Variants in NTRK3 observed in about 807,000 individuals in gnomAD.
The protein encoded by NTRK3 is NT-3 growth factor receptor.
In NTRK3, 24 loss-of-function variants were observed where a neutral mutation model predicts 91.7. The ratio of observed to expected loss-of-function variants is 0.26; its 90% CI spans 0.19 to 0.37. NTRK3 has a LOEUF of 0.37. Among genes scored for constraint, NTRK3 ranks in the 10% least tolerant of loss-of-function variants. NTRK3 has a pLI of 1.00. For synonymous variants in NTRK3, 483 were observed against 404.0 expected (o/e 1.20, Z -2.34); for missense variants, 880 against 1,068.9 (o/e 0.82, Z 2.46).
chr15:88,025,414 T>TA (rs1428253110), intron 14 of NTRK3, among the ~76,000 whole-genome samples: 4 of 152,240 alleles, frequency 2.6e-5, no homozygotes, highest in African/African-American at 7.2e-5. Context: ...GTCAAAGCCC[T>TA]AACTCCCAGT....
At chr15:88,133,869 C>T (rs2041623112) in intron 10 of NTRK3, among the ~76,000 whole-genome samples, 2 of 152,208 alleles carry the variant, frequency 1.3e-5, no homozygotes, top group Non-Finnish European at 2.9e-5. Context: ...GCTCCATCAT[C>T]CCTGGGACCT....
intron 13 of NTRK3, among the ~76,000 whole-genome samples, chr15:88,087,555 T>C (rs2048618588): frequency 6.6e-6 from 1 of 152,056 alleles, no homozygotes; most frequent in African/African-American, 2.4e-5. Context: ...GTGAGAAAGC[T>C]CAGCAGATGC....
intron 13 of NTRK3, among the ~76,000 whole-genome samples, chr15:88,051,722 T>C (rs931767882): frequency 9.2e-5 from 14 of 152,146 alleles, no homozygotes; most frequent in African/African-American, 3.4e-4. Flanking sequence ...AAAATAATTC[T>C]AGTAAAGTAA....
chr15:88,095,120 A>G (rs1161134396), intron 13 of NTRK3, among the ~76,000 whole-genome samples: 4 of 152,210 alleles, frequency 2.6e-5, no homozygotes, highest in Non-Finnish European at 5.9e-5. Flanking sequence ...ACATTCAATC[A>G]CTGCAAGAAG....
intron 14 of NTRK3, among the ~76,000 whole-genome samples, chr15:87,994,363 T>C (rs1047957826): frequency 6.6e-6 from 1 of 152,210 alleles, no homozygotes; most frequent in African/African-American, 2.4e-5. Context: ...TAATCCAATA[T>C]TACTACGTCC....
chr15:87,933,460 G>A (rs2068985441), intron 15 of NTRK3, among the ~76,000 whole-genome samples: 1 of 152,256 alleles, frequency 6.6e-6, no homozygotes, highest in Non-Finnish European at 1.5e-5. Context: ...AGAGCCCTGG[G>A]CTTCCGCAGG....
chr15:88,091,327 C>G (rs1376007576), intron 13 of NTRK3, among the ~76,000 whole-genome samples: 1 of 152,160 alleles, frequency 6.6e-6, no homozygotes, highest in Non-Finnish European at 1.5e-5. Context: ...AAAGGTCAAC[C>G]CTGATCAACT....
intron 13 of NTRK3, among the ~76,000 whole-genome samples, chr15:88,096,748 C>A (rs190967545): frequency 6.6e-6 from 1 of 152,274 alleles, no homozygotes; most frequent in East Asian, 1.9e-4. Flanking sequence ...CAGGTGCCAC[C>A]CAGTTTCTCA....
chr15:88,028,076 T>G (rs2078194677), intron 14 of NTRK3, among the ~76,000 whole-genome samples: 1 of 147,418 alleles, frequency 6.8e-6, no homozygotes, highest in Non-Finnish European at 1.5e-5. Context: ...TTCAAGGTAG[T>G]GGCTGGAGGT....
intron 14 of NTRK3, among the ~76,000 whole-genome samples, chr15:88,019,434 C>A (rs1024995210): frequency 6.6e-6 from 1 of 152,226 alleles, no homozygotes; most frequent in Non-Finnish European, 1.5e-5. Context: ...CAACCATATG[C>A]CTCAGGGAAA....
intron 14 of NTRK3, among the ~76,000 whole-genome samples, chr15:87,945,403 C>G (rs2070360327): frequency 6.6e-6 from 1 of 152,176 alleles, no homozygotes; most frequent in Non-Finnish European, 1.5e-5. Flanking sequence ...TAGTGGGGAC[C>G]AAGATAACTA....
chr15:87,938,107 G>A (rs59062353), intron 15 of NTRK3, among the ~76,000 whole-genome samples: 11 of 152,014 alleles, frequency 7.2e-5, no homozygotes, highest in Admixed American at 5.2e-4. Context: ...TTTAAGAGTC[G>A]CACACATGAG....
At chr15:88,218,976 G>A (rs1002728083) in intron 3 of NTRK3, among the ~76,000 whole-genome samples, 37 of 152,314 alleles carry the variant, frequency 2.4e-4, no homozygotes, top group African/African-American at 8.4e-4. Flanking sequence ...CATCACCCAC[G>A]TGGTCTCTCA....
chr15:87,901,629 C>T (rs1300741488), intron 17 of NTRK3, among the ~76,000 whole-genome samples: 2 of 152,224 alleles, frequency 1.3e-5, no homozygotes, highest in Non-Finnish European at 2.9e-5. Flanking sequence ...CATGTTTATA[C>T]TGTGCTAGGA....
chr15:88,245,639 T>C (rs7167399), intron 3 of NTRK3, among the ~76,000 whole-genome samples: 130,110 of 152,166 alleles, frequency 0.86, 55,848 homozygotes, highest in East Asian at 0.99. Flanking sequence ...AAAAAGTATC[T>C]ATGCTTGTGG....
chr15:87,867,672 C>G (rs78623605), exon 19 of NTRK3: 4 of 228,884 alleles, frequency 1.7e-5, no homozygotes, highest in African/African-American at 8.9e-5. Flanking sequence ...CTTCTCCTGC[C>G]CCATGCTAAC....
At chr15:88,002,898 G>A (rs907568223) in intron 14 of NTRK3, among the ~76,000 whole-genome samples, 1 of 152,056 alleles carries the variant, frequency 6.6e-6, no homozygotes, top group Non-Finnish European at 1.5e-5. Context: ...TGGGGAGTGG[G>A]GACCTTTGCC....
At chr15:88,069,937 T>A (rs2142684660) in intron 13 of NTRK3, among the ~76,000 whole-genome samples, 2 of 152,284 alleles carry the variant, frequency 1.3e-5, no homozygotes, top group Middle Eastern at 6.8e-3. Flanking sequence ...GTTGAGAGTC[T>A]AGGGCGATCT....
chr15:88,162,902 T>A (rs2044598913), intron 5 of NTRK3, among the ~76,000 whole-genome samples: 1 of 152,160 alleles, frequency 6.6e-6, no homozygotes, highest in Non-Finnish European at 1.5e-5. Flanking sequence ...GGTCTGTACA[T>A]GAGCAGTTGC....
Sources: gnomAD v4.1 joint callset for allele counts (sites outside exome capture counted in the v4.1 genomes callset) on GRCh38, gnomAD v4.1.1 for gene constraint, MANE v1.5 for transcripts, NCBI Gene and HGNC (gene_info 2026-07-23, HGNC 2026-07-21) for gene names.